NAALADL2: variants seen among roughly 807,000 people sequenced by gnomAD.
The protein encoded by NAALADL2 is N-acetylated alpha-linked acidic dipeptidase like 2.
Under a neutral mutation model 87.2 loss-of-function variants are expected in NAALADL2, and 76 were observed. That is an observed-to-expected ratio of 0.87 (90% CI 0.72 to 1.05). The LOEUF is 1.05. Ranked by LOEUF, NAALADL2 falls within the 50% of genes least tolerant of loss-of-function variation. The pLI is 0.00. For missense variants in NAALADL2, 1,089 were observed against 945.8 expected, an observed-to-expected ratio of 1.15 and a Z score of -1.99; for synonymous variants, 354 against 331.0, an observed-to-expected ratio of 1.07 and a Z score of -0.75.
intron 9 of NAALADL2, among the ~76,000 whole-genome samples, chr3:175,518,749 C>T (rs899012408): frequency 6.6e-6 from 1 of 152,186 alleles, no homozygotes; most frequent in Non-Finnish European, 1.5e-5. Context: ...TAGATTAACC[C>T]ATTCATGAGG....
chr3:174,715,615 A>C (rs1731109238), intron 2 of NAALADL2, among the ~76,000 whole-genome samples: 2 of 152,322 alleles, frequency 1.3e-5, no homozygotes, highest in South Asian at 2.1e-4. Context: ...ATAATCAGCA[A>C]AAGCCCAGTT....
chr3:175,707,212 T>G (rs1242586193), intron 11 of NAALADL2, among the ~76,000 whole-genome samples: 1 of 152,096 alleles, frequency 6.6e-6, no homozygotes, highest in Non-Finnish European at 1.5e-5. Context: ...GTGCTATCTG[T>G]TGCAACTACT....
chr3:175,755,465 G>A, intron 13 of NAALADL2, 47 bp downstream of exon 13: 1 of 1,372,864 alleles, frequency 7.3e-7, no homozygotes, highest in Non-Finnish European at 9.8e-7. Context: ...TACATTAAAT[G>A]TTTATGTTTA....
At chr3:174,494,629 A>AG (rs1230598197) in intron 1 of NAALADL2, among the ~76,000 whole-genome samples, 1 of 151,978 alleles carries the variant, frequency 6.6e-6, no homozygotes. Flanking sequence ...ATTAAAAAAA[A>AG]AAAAGAAGTA....
At chr3:174,872,883 C>T (rs991831400) in intron 1 of NAALADL2, among the ~76,000 whole-genome samples, 1 of 152,124 alleles carries the variant, frequency 6.6e-6, no homozygotes, top group African/African-American at 2.4e-5. Context: ...TTGGATAACT[C>T]AGTGGCCTTT....
intron 1 of NAALADL2, among the ~76,000 whole-genome samples, chr3:174,921,302 A>G (rs1417379295): frequency 6.6e-6 from 1 of 152,218 alleles, no homozygotes; most frequent in Non-Finnish European, 1.5e-5. Context: ...TATGTGCTCA[A>G]TAAAGTTACT....
chr3:174,996,996 GTGTGTGTGTGTGTGTGTGT>G (rs1747565125), intron 1 of NAALADL2, among the ~76,000 whole-genome samples: 1 of 11,732 alleles, frequency 8.5e-5, no homozygotes, highest in African/African-American at 1.6e-4. Flanking sequence ...TCCAAGGGGT[GTGTGTGTGTGTGTGTGTGT>G]GTGTGTGTGT....
chr3:175,311,703 T>TCC (rs547558818), intron 4 of NAALADL2, among the ~76,000 whole-genome samples: 19 of 144,304 alleles, frequency 1.3e-4, no homozygotes, highest in Middle Eastern at 3.5e-3. Context: ...TTCCTTCCTC[T>TCC]CTCCCTCCCT....
chr3:175,360,991 T>C (rs1047161744), intron 5 of NAALADL2, among the ~76,000 whole-genome samples: 1 of 151,850 alleles, frequency 6.6e-6, no homozygotes, highest in Non-Finnish European at 1.5e-5. Flanking sequence ...TTACATCAGG[T>C]GTATCTCCTA....
Position 175,279,233 on chromosome 3 carries a change from G to C in NAALADL2, c.939+22703G>C, listed in dbSNP as rs532432054. Among the ~76,000 whole-genome samples the C allele has an allele frequency of 8.5e-4, 129 of 152,196 alleles. 3 individuals carry two copies. The South Asian group carries it at 0.026, about 30-fold the overall frequency. ...TTATATGGGACCCTAGGGCAAGTGG[G>C]TATTTAATCTGGACTAACTGAAGAC... On this transcript the variant is annotated intron_variant, in intron 4 of 13. Coordinates refer to ENST00000454872, the MANE Select transcript of NAALADL2 (RefSeq NM_207015.3).
chr3:175,337,044 A>G lies in NAALADL2; in HGVS notation c.1090+12719A>G, dbSNP rs552657386. On this transcript the variant is annotated intron_variant, in intron 5 of 13. Transcript: ENST00000454872. ...TTGAAATTTTTCACCTGCTCCACAA[A>G]CACACTTAAGTTGTTACCATGGTAT... Among the ~76,000 whole-genome samples, 4 of 151,710 alleles carry G rather than the reference A, an allele frequency of 2.6e-5. No homozygotes were observed. In the South Asian group the frequency reaches 8.3e-4, roughly 32 times the overall value.
At position 175,220,168 on chromosome 3, in the gene NAALADL2, A is replaced by G. The variant is rs1057197692; in HGVS notation, c.546-13763A>G. ...AGTGTTACAAGTATATTTATAAAGG[A>G]TATTTGATGATAATTTTTCTTGTAA... On this transcript the variant is annotated intron_variant, in intron 2 of 13. Transcript: ENST00000454872. Among the ~76,000 whole-genome samples, 10 of 147,190 alleles carry G rather than the reference A, an allele frequency of 6.8e-5. 1 individual carries two copies. The highest frequency in any genetic ancestry group is 2.0e-4 in the African/African-American group (8 of 41,004).
chr3:175,305,340 C>T (rs973612847), intron 4 of NAALADL2, among the ~76,000 whole-genome samples: 1 of 151,738 alleles, frequency 6.6e-6, no homozygotes, highest in African/African-American at 2.4e-5. Context: ...TATTATTAAA[C>T]TGTTAAATTC....
At chr3:175,359,317 A>G (rs1340822593) in intron 5 of NAALADL2, among the ~76,000 whole-genome samples, 1 of 152,098 alleles carries the variant, frequency 6.6e-6, no homozygotes, top group Non-Finnish European at 1.5e-5. Context: ...CAAAGGACAA[A>G]TACCACTTGA....
chr3:174,450,869 CAAAAAAAAA>C (rs761513802), intron 1 of NAALADL2, among the ~76,000 whole-genome samples: 5 of 74,888 alleles, frequency 6.7e-5, no homozygotes, highest in East Asian at 3.1e-4. Flanking sequence ...GACTCTGTCT[CAAAAAAAAA>C]AAAAAAAAAA....
rs559328215 is a variant in NAALADL2 at position 175,339,885 on chromosome 3, T to C, written c.1090+15560T>C. ...GGCTCAAAACTAATAAGGAAATGTG[T>C]TAAAATCTGCACACTGAGATGATAT... On this transcript the variant is annotated intron_variant, in intron 5 of 13. Transcript: ENST00000454872. Among the ~76,000 whole-genome samples, 55 of 152,298 alleles carry C rather than the reference T, an allele frequency of 3.6e-4. No homozygotes were observed. The South Asian group carries it at 0.011, about 30-fold the overall frequency.
At chr3:175,167,892 A>T (rs1009735614) in intron 2 of NAALADL2, among the ~76,000 whole-genome samples, 1 of 151,950 alleles carries the variant, frequency 6.6e-6, no homozygotes, top group Non-Finnish European at 1.5e-5. Flanking sequence ...CATTACTGGA[A>T]ATTAGATATA....
At chr3:175,045,322 T>C (rs1351197525) in intron 1 of NAALADL2, among the ~76,000 whole-genome samples, 5 of 152,160 alleles carry the variant, frequency 3.3e-5, no homozygotes, top group Non-Finnish European at 7.4e-5. Flanking sequence ...TTCTCCTCCA[T>C]TATCTTTGTT....
At chr3:174,956,876 T>C (rs2086397203) in intron 1 of NAALADL2, among the ~76,000 whole-genome samples, 1 of 152,044 alleles carries the variant, frequency 6.6e-6, no homozygotes, top group African/African-American at 2.4e-5. Context: ...AACAGTATTT[T>C]GCAGAAAGTC....
Sources: allele counts gnomAD v4.1 joint callset (sites outside exome capture counted in the v4.1 genomes callset), GRCh38; gene constraint gnomAD v4.1.1; transcripts MANE v1.5; gene names NCBI Gene and HGNC (gene_info 2026-07-23, HGNC 2026-07-21).